LRBA: variants seen among roughly 807,000 people sequenced by gnomAD.
The protein encoded by LRBA is lipopolysaccharide-responsive and beige-like anchor protein.
A neutral mutation model predicts 330.0 loss-of-function variants in LRBA; 176 were observed. That is an observed-to-expected ratio of 0.53 (90% CI 0.47 to 0.60). The LOEUF is 0.60. Ranked by LOEUF, LRBA falls within the 20% of genes least tolerant of loss-of-function variation. LRBA has a pLI of 0.00. For missense variants in LRBA, 3,259 were observed against 3,444.8 expected, an observed-to-expected ratio of 0.95 and a Z score of 1.35; for synonymous variants, 1,230 against 1,193.0, an observed-to-expected ratio of 1.03 and a Z score of -0.64.
At chr4:150,340,079 C>T (rs567094151) in intron 48 of LRBA, among the ~76,000 whole-genome samples, 11 of 152,186 alleles carry the variant, frequency 7.2e-5, no homozygotes, top group East Asian at 3.9e-4. Context: ...TCTCTCCTGC[C>T]GCCTTGCAAA....
Position 150,264,904 on chromosome 4 carries a change from G to T in LRBA, c.*818C>A, listed in dbSNP as rs967286416. On this transcript the variant is annotated 3_prime_UTR_variant, in exon 57 of 57. Coordinates refer to ENST00000651943, the MANE Select transcript of LRBA (RefSeq NM_001364905.1). Reference sequence around the variant, plus strand: ...TATTTGCAAACCCGGGGAGGGAAGGGGGTGCCCCAACAAAACAACAGTGGC... The same window carrying T: ...TATTTGCAAACCCGGGGAGGGAAGGTGGTGCCCCAACAAAACAACAGTGGC... The T allele has an allele frequency of 2.8e-5, 1 of 35,310 alleles. No individual in the cohort carries two copies. Among genetic ancestry groups the T allele is most frequent in the African/African-American group, 5.8e-5 (1 of 17,254 alleles). The allele number at this position is 35,310 out of a possible 1,614,324, so 2.2% of individuals were successfully genotyped here. A position where few individuals can be genotyped will look rare whatever the true frequency, so the allele number is the denominator to read the frequency against.
At chr4:150,739,284 T>A (rs1731622717) in intron 35 of LRBA, among the ~76,000 whole-genome samples, 1 of 152,118 alleles carries the variant, frequency 6.6e-6, no homozygotes, top group South Asian at 2.1e-4. Flanking sequence ...CTGACCTGAC[T>A]GACATATCGA....
chr4:150,784,535 C>T (rs1437993062), intron 34 of LRBA, among the ~76,000 whole-genome samples: 1 of 152,154 alleles, frequency 6.6e-6, no homozygotes, highest in East Asian at 1.9e-4. Flanking sequence ...GAGGCCCAGC[C>T]TTTTTGCCCT....
At chr4:150,354,074 G>C (rs760216065) in intron 47 of LRBA, among the ~76,000 whole-genome samples, 4 of 151,976 alleles carry the variant, frequency 2.6e-5, no homozygotes, top group Non-Finnish European at 5.9e-5. Flanking sequence ...AGACTTGAGG[G>C]GAGAGAGAAG....
At chr4:150,752,026 CT>C (rs1733624546) in intron 35 of LRBA, among the ~76,000 whole-genome samples, 1 of 152,098 alleles carries the variant, frequency 6.6e-6, no homozygotes, top group African/African-American at 2.4e-5. Flanking sequence ...AAAGTTACTA[CT>C]TTTCTACACT....
intron 56 of LRBA, among the ~76,000 whole-genome samples, chr4:150,266,073 A>AGTAACTAAAATCTGAACAGATTT (rs3833626): frequency 1.3e-5 from 2 of 151,472 alleles, no homozygotes; most frequent in African/African-American, 4.8e-5. Context: ...GTGCAGGATG[A>AGTAACTAAAATCTGAACAGATTT]GTAACTAAAA....
chr4:150,620,592 T>C (rs1034809015), intron 37 of LRBA, among the ~76,000 whole-genome samples: 1 of 152,174 alleles, frequency 6.6e-6, no homozygotes, highest in Non-Finnish European at 1.5e-5. Flanking sequence ...AAAGAAAATG[T>C]GGTATGTATA....
rs1028434476 is a variant in LRBA at position 150,916,263 on chromosome 4, T to C, written c.894+138A>G. 3.9e-6 allele frequency: 3 copies of C among 779,136 alleles called. No homozygotes were observed. The South Asian group carries it at 6.4e-5, about 17-fold the overall frequency. The allele number at this position is 779,136 out of a possible 1,614,324, so 48.3% of individuals were successfully genotyped here. A position where few individuals can be genotyped will look rare whatever the true frequency, so the allele number is the denominator to read the frequency against. On this transcript the variant is annotated intron_variant, in intron 7 of 56. Coordinates refer to ENST00000651943, the MANE Select transcript of LRBA (RefSeq NM_001364905.1). ...CAAATCAGAGAGGTCAATTATTCAGTGATTTACGCTTCATCTTTTTAAACA... is the reference window on the plus strand; with the variant it reads ...CAAATCAGAGAGGTCAATTATTCAGCGATTTACGCTTCATCTTTTTAAACA...
intron 4 of LRBA, among the ~76,000 whole-genome samples, chr4:150,926,041 G>A (rs1253661130): frequency 6.6e-6 from 1 of 152,146 alleles, no homozygotes; most frequent in Non-Finnish European, 1.5e-5. Context: ...AACAGAACCC[G>A]AAAGTCTCAG....
At chr4:150,871,851 TAGA>T (rs1293045396) in intron 18 of LRBA, among the ~76,000 whole-genome samples, 2 of 152,052 alleles carry the variant, frequency 1.3e-5, no homozygotes, top group African/African-American at 4.8e-5. Context: ...GGAGAAAAAG[TAGA>T]AGAAATGTAA....
chr4:150,728,439 A>G (rs1729993587), intron 36 of LRBA, among the ~76,000 whole-genome samples: 1 of 152,162 alleles, frequency 6.6e-6, no homozygotes, highest in Non-Finnish European at 1.5e-5. Flanking sequence ...TGATGCAAAA[A>G]TCCTCAAGAA....
chr4:150,981,765 C>A (rs968921877), intron 2 of LRBA, among the ~76,000 whole-genome samples: 1 of 151,994 alleles, frequency 6.6e-6, no homozygotes, highest in African/African-American at 2.4e-5. Flanking sequence ...TCAAGACCAT[C>A]CTGGCTAACA....
chr4:150,779,265 G>A (rs539711950), intron 34 of LRBA, among the ~76,000 whole-genome samples: 1 of 152,054 alleles, frequency 6.6e-6, no homozygotes, highest in Non-Finnish European at 1.5e-5. Flanking sequence ...ATAATATATA[G>A]CCAACTTAAA....
intron 36 of LRBA, among the ~76,000 whole-genome samples, chr4:150,687,718 GAATA>G (rs1464076191): frequency 1.3e-5 from 2 of 152,068 alleles, no homozygotes; most frequent in Non-Finnish European, 2.9e-5. Flanking sequence ...AAATGTAAAT[GAATA>G]GAGACAATAT....
chr4:150,683,774 A>C (rs1783264695), intron 36 of LRBA, 57 bp from the exon 37 acceptor site: 1 of 1,311,912 alleles, frequency 7.6e-7, no homozygotes, highest in African/African-American at 1.5e-5. Flanking sequence ...TTTAAAATCC[A>C]TTATGAAATA....
chr4:150,733,032 C>T (rs937894818), intron 36 of LRBA, among the ~76,000 whole-genome samples: 1 of 151,870 alleles, frequency 6.6e-6, no homozygotes, highest in Admixed American at 6.6e-5. Context: ...ATTTAAATAT[C>T]CAAATATAAT....
intron 13 of LRBA, among the ~76,000 whole-genome samples, chr4:150,903,540 A>C (rs1730991519): frequency 6.6e-6 from 1 of 152,004 alleles, no homozygotes; most frequent in Admixed American, 6.6e-5. Flanking sequence ...GGAGTTCGAG[A>C]CCAGCCTGGG....
chr4:150,547,582 A>G (rs1766006467), intron 40 of LRBA, among the ~76,000 whole-genome samples: 1 of 152,076 alleles, frequency 6.6e-6, no homozygotes, highest in Non-Finnish European at 1.5e-5. Context: ...TCTGGGCACC[A>G]TTTTTCTAAA....
intron 48 of LRBA, among the ~76,000 whole-genome samples, chr4:150,335,943 G>A (rs572564897): frequency 6.6e-6 from 1 of 152,270 alleles, no homozygotes; most frequent in African/African-American, 2.4e-5. Context: ...TGATCTGCCC[G>A]CCTTGGCCTC....
Sources: gnomAD v4.1 joint callset for allele counts (sites outside exome capture counted in the v4.1 genomes callset) on GRCh38, gnomAD v4.1.1 for gene constraint, MANE v1.5 for transcripts, NCBI Gene and HGNC (gene_info 2026-07-23, HGNC 2026-07-21) for gene names.